Variants in ARHGEF25 observed in about 807,000 individuals in gnomAD.
ARHGEF25 encodes RAC/CDC42 exchange factor.
In ARHGEF25, 42 loss-of-function variants were observed where a neutral mutation model predicts 74.0. The observed-to-expected ratio is 0.57, with a 90% CI of 0.44 to 0.73. The LOEUF (loss-of-function observed/expected upper bound fraction) is 0.73. ARHGEF25 is among the 30% of genes least tolerant of loss of function. The pLI is 0.00. For missense variants in ARHGEF25, 645 were observed against 725.5 expected (o/e 0.89, Z 1.27); for synonymous variants, 293 against 278.6 (o/e 1.05, Z -0.51).
At position 57,616,299 on chromosome 12, in the gene ARHGEF25, T is replaced by C. The variant is rs755656909; in HGVS notation, c.1436T>C (p.Ile479Thr). 1.2e-6 allele frequency: 2 copies of C among 1,612,352 alleles called. No individual in the cohort carries two copies. Among genetic ancestry groups the C allele is most frequent in the African/African-American group, 1.3e-5 (1 of 74,886 alleles). The change falls in exon 14 of 15, where the codon ATT becomes ACT. Residue 479 changes from isoleucine (I) to threonine (T), a missense_variant. Ile to Thr is a moderately conservative substitution (Grantham distance 89). Around this residue, in one of 3 missense-constraint regions of ARHGEF25, gnomAD observed 262 missense variants for 256.9 expected, o/e 1.02. Transcript: ENST00000286494. ...TTTGCTCCAGCATTGCAGTCACCCA[T>C]TGAGTACCAGAGACGGGAGAGCCAG... Reference protein sequence around the residue: ...RDFLNALQSPIEYQRRESQTN... With the variant: ...RDFLNALQSPTEYQRRESQTN...
Position 57,613,757 on chromosome 12 carries a change from G to C in ARHGEF25, c.549G>C (p.Val183=). The C allele has an allele frequency of 2.5e-6, 4 of 1,614,058 alleles. No homozygotes were observed. In the African/African-American group the frequency reaches 5.3e-5, roughly 22 times the overall value. The change falls in exon 5 of 15, where the codon GTG becomes GTC. Residue 183 remains valine, a synonymous_variant. Coordinates refer to ENST00000286494, the MANE Select transcript of ARHGEF25 (RefSeq NM_182947.4). ...KMYVDDLGQI[V]EGYMATMAAQ... is the part of the protein sequence containing the mutation. ...ACGTGGACGACTTGGGGCAGATTGT[G>C]GAGGTAGCTCCCTTTACCCCTTCCC...
chr12:57,614,540 G>A lies in ARHGEF25; in HGVS notation c.751G>A (p.Val251Met). 1 of 1,614,010 alleles carries A rather than the reference G, an allele frequency of 6.2e-7. No individual in the cohort carries two copies. The highest frequency in any genetic ancestry group is 8.5e-7 in the Non-Finnish European group (1 of 1,180,018). ...GGAGCGCCGGCTGCATATGTATGTG[G>A]TGTACTGTCAGAATAAGCCCAAGTC... is the stretch of plus-strand genomic sequence containing the variant. The part of the protein sequence containing the change: ...KHERRLHMYV[V>M]YCQNKPKSEH... The change falls in exon 8 of 15, where the codon GTG becomes ATG. Residue 251 changes from valine (V) to methionine (M), a missense_variant. By Grantham distance (21) the Val-to-Met change is conservative (BLOSUM62 1). Transcript: ENST00000286494. The surrounding 1 kb of genome is among the most constrained non-coding windows in gnomAD (Gnocchi z 4.6).
In ARHGEF25 at chr12:57,617,205, T is replaced by G. The variant is rs1487046651; in HGVS notation, c.*311T>G. On this transcript the variant is annotated 3_prime_UTR_variant, in exon 15 of 15. Transcript: ENST00000286494. ...TTATTGGTTTTGTTTTTTAATTTTG[T>G]TTTTCCTGTTTTCTGAGAATAAAGG... 3.6e-5 allele frequency: 9 copies of G among 252,884 alleles called. No homozygotes were observed. Among genetic ancestry groups the G allele is most frequent in the Admixed American group, 1.0e-4 (2 of 19,198 alleles). The allele number at this position is 252,884 out of a possible 1,614,324, so 15.7% of individuals were successfully genotyped here.
intron 2 of ARHGEF25, 30 bp from the exon 3 acceptor site, chr12:57,613,234 G>A (rs771728815): frequency 7.4e-6 from 12 of 1,612,616 alleles, no homozygotes; most frequent in South Asian, 3.3e-5. Context: ...TACTGTCCCC[G>A]ACCTCTGACA....
In ARHGEF25 at chr12:57,616,983, C is replaced by T. The variant is rs2140226137; in HGVS notation, c.*89C>T. ...TCCTTCTGGCACTGCTCCAGAATTC[C>T]TCCTTCTTGGTGTGTCTGGAGGGTG... On this transcript the variant is annotated 3_prime_UTR_variant, in exon 15 of 15. Coordinates refer to ENST00000286494, the MANE Select transcript of ARHGEF25 (RefSeq NM_182947.4). The T allele has an allele frequency of 9.5e-7, 1 of 1,048,442 alleles. No individual in the cohort carries two copies. Among genetic ancestry groups the T allele is most frequent in the South Asian group, 1.3e-5 (1 of 74,184 alleles). 64.9% of individuals were successfully genotyped at this position (1,048,442 alleles called of 1,614,324 possible).
At chr12:57,610,408 C>A, upstream of ARHGEF25, 1 of 1,127,146 alleles carries the variant, frequency 8.9e-7, no homozygotes, top group Non-Finnish European at 1.2e-6. Flanking sequence ...ACGAGTTCTG[C>A]GGGGCAGTCG....
intron 1 of ARHGEF25, 82 bp from the exon 2 acceptor site, chr12:57,612,848 G>T: frequency 6.5e-7 from 1 of 1,541,506 alleles, no homozygotes. Flanking sequence ...ATCATGAAGA[G>T]AAGACCCTGG....
chr12:57,610,971 G>C (rs1431638322), upstream of ARHGEF25, among the ~76,000 whole-genome samples: 1 of 152,150 alleles, frequency 6.6e-6, no homozygotes, highest in Admixed American at 6.5e-5. Context: ...CTGGAGTCCC[G>C]GGGCCTGGAG....
intron 5 of ARHGEF25, 37 bp downstream of exon 5, chr12:57,613,797 GC>G (rs1468056943): frequency 5.2e-5 from 84 of 1,608,414 alleles, no homozygotes; most frequent in Non-Finnish European, 6.5e-5. Flanking sequence ...CCTCCTGCCT[GC>G]TTTTCCATCT....
At chr12:57,611,206 C>T (rs1241393518), upstream of ARHGEF25, among the ~76,000 whole-genome samples, 1 of 152,190 alleles carries the variant, frequency 6.6e-6, no homozygotes, top group Non-Finnish European at 1.5e-5. The surrounding 1 kb of genome is among the most constrained non-coding windows in gnomAD (Gnocchi z 4.5). Context: ...ACCCCGACCC[C>T]AGCGCTCCGC....
In ARHGEF25 at chr12:57,611,802, G is replaced by A. The variant is rs906069017; in HGVS notation, c.-93G>A. Reference sequence around the variant, plus strand: ...AGCCTGGACCGGGGTAGGAGGGAGGGGGGGTGTGCGCCCGGCGCCGTCCCC... The same window carrying A: ...AGCCTGGACCGGGGTAGGAGGGAGGAGGGGTGTGCGCCCGGCGCCGTCCCC... On this transcript the variant is annotated 5_prime_UTR_variant, in exon 1 of 15. Transcript: ENST00000286494. The surrounding 1 kb of genome is among the most constrained non-coding windows in gnomAD (Gnocchi z 4.5). 39 of 1,148,380 alleles carry A rather than the reference G, an allele frequency of 3.4e-5. No individual in the cohort carries two copies. The African/African-American group carries it at 5.9e-4, about 17-fold the overall frequency. The allele number at this position is 1,148,380 out of a possible 1,614,324, so 71.1% of individuals were successfully genotyped here.
upstream of ARHGEF25, chr12:57,610,402 G>A: frequency 8.6e-7 from 1 of 1,158,184 alleles, no homozygotes; most frequent in African/African-American, 1.5e-5. Context: ...CCGAAAACGA[G>A]TTCTGCGGGG....
At position 57,614,624 on chromosome 12, in the gene ARHGEF25, TTGG is replaced by T. The variant is rs1884199667; in HGVS notation, c.816+23_816+25del. ...CTTTGAGGTCAGTAGCTGAGATGTC[TTGG>T]TGGGAAGGAGGACAGAACTGGGGCT... On this transcript the variant is annotated intron_variant, in intron 8 of 14. Transcript: ENST00000286494. This position sits in a 1 kb window ranked among gnomAD's most constrained non-coding sequence, Gnocchi z 4.6. 1.9e-6 allele frequency: 3 copies of T among 1,613,922 alleles called. No homozygotes were observed. The highest frequency in any genetic ancestry group is 1.7e-5 in the Admixed American group (1 of 59,990).
In ARHGEF25 at chr12:57,613,734, G is replaced by A. The variant is rs1433843689; in HGVS notation, c.526G>A (p.Val176Met). Residue 176 changes from valine to methionine, a missense_variant, in exon 5 of 15, where the codon GTG (valine) becomes ATG (methionine). Val to Met is a conservative substitution (Grantham distance 21). Around this residue, in one of 3 missense-constraint regions of ARHGEF25, gnomAD observed 194 missense variants for 269.4 expected, o/e 0.72. Transcript: ENST00000286494. ...ACTGGTAGAAACAGAGAAAATGTAC[G>A]TGGACGACTTGGGGCAGATTGTGGA... ...SELVETEKMYVDDLGQIVEGY... is the reference protein window; with the variant it reads ...SELVETEKMYMDDLGQIVEGY... The A allele has an allele frequency of 2.5e-6, 4 of 1,614,014 alleles. No homozygotes were observed. The highest frequency in any genetic ancestry group is 2.5e-6 in the Non-Finnish European group (3 of 1,180,000).
At chr12:57,612,560 A>G in intron 1 of ARHGEF25, 2 of 303,552 alleles carry the variant, frequency 6.6e-6, no homozygotes, top group Non-Finnish European at 1.0e-5. Context: ...CCCTCTTCCC[A>G]GAGAATGGTC....
chr12:57,615,870 G>A lies in ARHGEF25; in HGVS notation c.1273G>A (p.Gly425Ser), dbSNP rs1315168319. The A allele has an allele frequency of 6.2e-7, 1 of 1,614,090 alleles. No individual in the cohort carries two copies. The highest frequency in any genetic ancestry group is 1.1e-5 in the South Asian group (1 of 91,084). ...CCTGGGACTGGAGGGGAACCTCCAA[G>A]GTGACCCTTGCCGCTTTGCACTGAC... ...SCLGLEGNLQGDPCRFALTSR... is the reference protein window; with the variant it reads ...SCLGLEGNLQSDPCRFALTSR... The change falls in exon 13 of 15, where the codon GGT becomes AGT. Residue 425 changes from glycine (G) to serine (S), a missense_variant. By Grantham distance (56) the Gly-to-Ser change is moderately conservative. Coordinates refer to ENST00000286494, the MANE Select transcript of ARHGEF25 (RefSeq NM_182947.4).
intron 5 of ARHGEF25, 99 bp from the exon 6 acceptor site, chr12:57,613,916 AG>A: frequency 6.8e-7 from 1 of 1,473,978 alleles, no homozygotes; most frequent in Non-Finnish European, 9.4e-7. Context: ...CCCACCAGGG[AG>A]GGGGAGGTGG....
In ARHGEF25 at chr12:57,612,956, G is replaced by A. The variant is rs1412663943; in HGVS notation, c.124G>A (p.Gly42Arg). ...RESYSIAGSEGSISASAASGL... is the reference protein window; with the variant it reads ...RESYSIAGSERSISASAASGL... The stretch of plus-strand genomic sequence containing the variant: ...ATCCTATTCCATTGCGGGCAGTGAG[G>A]GGAGTATATCGGCTTCTGCTGCCTC... The change falls in exon 2 of 15, where the codon GGG becomes AGG. Residue 42 changes from glycine (G) to arginine (R), a missense_variant. Transcript: ENST00000286494. 1 of 1,614,048 alleles carries A rather than the reference G, an allele frequency of 6.2e-7. No homozygotes were observed. The highest frequency in any genetic ancestry group is 8.5e-7 in the Non-Finnish European group (1 of 1,180,014).
upstream of ARHGEF25, chr12:57,610,326 G>A (rs1187617957): frequency 1.3e-6 from 2 of 1,482,924 alleles, no homozygotes; most frequent in Non-Finnish European, 1.8e-6. Flanking sequence ...GTAAGAATGG[G>A]GGCTCGCGGT....
Sources: gnomAD v4.1 joint callset for allele counts (sites outside exome capture counted in the v4.1 genomes callset) on GRCh38, gnomAD v4.1.1 for gene constraint, gnomAD v4.1.1 regional missense constraint, Gnocchi (gnomAD v3.1) non-coding constraint, MANE v1.5 for transcripts, NCBI Gene and HGNC (gene_info 2026-07-23, HGNC 2026-07-21) for gene names.